SLC39A8: variants seen among roughly 807,000 people sequenced by gnomAD.
SLC39A8 encodes metal cation symporter ZIP8.
A neutral mutation model predicts 40.4 loss-of-function variants in SLC39A8; 15 were observed. The ratio of observed to expected loss-of-function variants is 0.37; its 90% CI spans 0.25 to 0.57. The LOEUF is 0.57. Ranked by LOEUF, SLC39A8 falls within the 20% of genes least tolerant of loss-of-function variation. SLC39A8 has a pLI of 0.75. For synonymous variants in SLC39A8, 223 were observed against 221.6 expected, an observed-to-expected ratio of 1.01 and a Z score of -0.06; for missense variants, 472 against 558.8, an observed-to-expected ratio of 0.84 and a Z score of 1.57.
chr4:102,272,403 C>A (rs554056251), intron 6 of SLC39A8, among the ~76,000 whole-genome samples: 1 of 150,562 alleles, frequency 6.6e-6, no homozygotes. Context: ...CGCAGTGAGC[C>A]GAGCCTGGGT....
intron 6 of SLC39A8, among the ~76,000 whole-genome samples, chr4:102,289,210 A>G (rs1420730171): frequency 6.6e-6 from 1 of 152,196 alleles, no homozygotes; most frequent in Non-Finnish European, 1.5e-5. Flanking sequence ...GAAATGAAAC[A>G]ACACAGCCTG....
Position 102,302,480 on chromosome 4 carries a change from G to A in SLC39A8, c.840+1837C>T, listed in dbSNP as rs574288258. On this transcript the variant is annotated intron_variant, in intron 6 of 8. Coordinates refer to ENST00000356736, the MANE Select transcript of SLC39A8 (RefSeq NM_001135146.2). The stretch of plus-strand genomic sequence containing the variant: ...CTTTAGGCTTTCTCTGCTGTGCCTC[G>A]CATTAAATAATATATCCTCAGAAAG... 1.1e-4 allele frequency among the ~76,000 whole-genome samples: 16 copies of A among 152,038 alleles called. 1 individual carries two copies. The highest frequency in any genetic ancestry group is 5.9e-4 in the Admixed American group (9 of 15,240).
chr4:102,272,109 G>A (rs568267838), intron 6 of SLC39A8, among the ~76,000 whole-genome samples: 2 of 152,142 alleles, frequency 1.3e-5, no homozygotes, highest in East Asian at 3.9e-4. Flanking sequence ...GATGCCAAGG[G>A]GGAGGACTGC....
chr4:102,341,499 T>G (rs1735939152), intron 2 of SLC39A8, among the ~76,000 whole-genome samples: 2 of 152,220 alleles, frequency 1.3e-5, no homozygotes, highest in Non-Finnish European at 2.9e-5. Context: ...GGGGCTTCCC[T>G]GTGTATTCTA....
chr4:102,308,556 C>G (rs1255470253), intron 3 of SLC39A8, among the ~76,000 whole-genome samples: 1 of 152,092 alleles, frequency 6.6e-6, no homozygotes, highest in East Asian at 1.9e-4. Context: ...ATACCCAGGA[C>G]AGTCACCTAT....
At chr4:102,320,199 ATATGTATATATATATG>A (rs1734859187) in intron 2 of SLC39A8, among the ~76,000 whole-genome samples, 1 of 136,700 alleles carries the variant, frequency 7.3e-6, no homozygotes, top group Non-Finnish European at 1.5e-5. Flanking sequence ...ATGTATATAT[ATATGTATATATATATG>A]TATATATGTA....
intron 2 of SLC39A8, among the ~76,000 whole-genome samples, chr4:102,342,504 A>C (rs1735988585): frequency 6.6e-6 from 1 of 152,232 alleles, no homozygotes; most frequent in African/African-American, 2.4e-5. Flanking sequence ...GTCTCAAAAA[A>C]AAAGCAAGAA....
chr4:102,253,304 A>C lies in SLC39A8; in HGVS notation c.*425T>G, dbSNP rs1731635191. The C allele has an allele frequency of 1.3e-5, 7 of 556,996 alleles. No individual in the cohort carries two copies. In the South Asian group the frequency reaches 2.0e-4, roughly 16 times the overall value. The allele number at this position is 556,996 out of a possible 1,614,324, so 34.5% of individuals were successfully genotyped here. A position where few individuals can be genotyped will look rare whatever the true frequency, so the allele number is the denominator to read the frequency against. ...CTCCTTTTGAGAAACTTCACAGCAC[A>C]CACAGCATCACGTCTCAATGGTCAT... is the stretch of plus-strand genomic sequence containing the variant. On this transcript the variant is annotated 3_prime_UTR_variant and NMD_transcript_variant, in exon 12 of 12. Transcript: ENST00000424970.
chr4:102,325,396 C>G (rs1735152258), intron 2 of SLC39A8, among the ~76,000 whole-genome samples: 1 of 150,930 alleles, frequency 6.6e-6, no homozygotes, highest in African/African-American at 2.5e-5. Context: ...CACATACATG[C>G]ACACTCACAC....
At chr4:102,345,220 C>G (rs572173439) in intron 1 of SLC39A8, 125 bp downstream of exon 1, 1 of 152,722 alleles carries the variant, frequency 6.5e-6, no homozygotes, top group East Asian at 1.9e-4. Flanking sequence ...CGTGCAGTCC[C>G]CAAGGAGCTG....
Position 102,261,825 on chromosome 4 carries a change from T to C in SLC39A8, c.*1219A>G, listed in dbSNP as rs1335504148. The C allele has an allele frequency of 1.0e-6, 1 of 986,012 alleles. No individual in the cohort carries two copies. Among genetic ancestry groups the C allele is most frequent in the Non-Finnish European group, 1.2e-6 (1 of 829,938 alleles). 61.1% of individuals were successfully genotyped at this position (986,012 alleles called of 1,614,324 possible). ...CTGTTGGAAAATGTAATTCCTGAGA[T>C]CATTGTTGGGCTTTGTCAATCATTT... On this transcript the variant is annotated 3_prime_UTR_variant, in exon 9 of 9. Coordinates refer to ENST00000356736, the MANE Select transcript of SLC39A8 (RefSeq NM_001135146.2).
intron 6 of SLC39A8, among the ~76,000 whole-genome samples, chr4:102,293,556 G>A (rs1484036664): frequency 6.6e-6 from 1 of 151,898 alleles, no homozygotes; most frequent in Admixed American, 6.6e-5. Flanking sequence ...TAAAATCAGT[G>A]TACTCTTACA....
At chr4:102,258,271 A>C (rs1202859508), downstream of SLC39A8, among the ~76,000 whole-genome samples, 1 of 151,908 alleles carries the variant, frequency 6.6e-6, no homozygotes, top group African/African-American at 2.4e-5. Context: ...CTAATTTTTA[A>C]AGGGCAGATA....
intron 4 of SLC39A8, among the ~76,000 whole-genome samples, chr4:102,307,188 T>C (rs1473974223): frequency 6.6e-6 from 1 of 152,084 alleles, no homozygotes; most frequent in Non-Finnish European, 1.5e-5. Context: ...CCTTCTGAGG[T>C]GTCCCAGAGC....
chr4:102,318,654 C>T (rs1456155034), intron 2 of SLC39A8, among the ~76,000 whole-genome samples: 3 of 152,094 alleles, frequency 2.0e-5, no homozygotes, highest in African/African-American at 7.2e-5. Context: ...ACCGGTTATA[C>T]CATGGACAAG....
At chr4:102,300,805 T>C (rs1733892905) in intron 6 of SLC39A8, among the ~76,000 whole-genome samples, 1 of 151,868 alleles carries the variant, frequency 6.6e-6, no homozygotes, top group South Asian at 2.1e-4. Context: ...TTAGAAAGTA[T>C]TTTAATTTTA....
intron 2 of SLC39A8, among the ~76,000 whole-genome samples, chr4:102,319,627 C>A (rs997838055): frequency 2.0e-5 from 3 of 152,084 alleles, no homozygotes; most frequent in Non-Finnish European, 4.4e-5. Context: ...GACCCCCTCC[C>A]CACTCCTACC....
chr4:102,258,706 A>C (rs1056514397), downstream of SLC39A8, among the ~76,000 whole-genome samples: 2 of 152,232 alleles, frequency 1.3e-5, no homozygotes, highest in Non-Finnish European at 2.9e-5. Context: ...AATGTTGCTT[A>C]ATGCTGTCTG....
rs1203341395 is a variant in SLC39A8, at chr4:102,267,376, C to A, written c.1233+114G>T. Reference sequence around the variant, plus strand: ...GAAATGGGATTGTTCTGAATTACAACAGAAAGGCCTTCCACACTGCGGAAA... The same window carrying A: ...GAAATGGGATTGTTCTGAATTACAAAAGAAAGGCCTTCCACACTGCGGAAA... On this transcript the variant is annotated intron_variant, in intron 8 of 8. Coordinates refer to ENST00000356736, the MANE Select transcript of SLC39A8 (RefSeq NM_001135146.2). The A allele has an allele frequency of 6.7e-6, 6 of 890,032 alleles. No homozygotes were observed. In the East Asian group the frequency reaches 1.1e-4, roughly 16 times the overall value. 55.1% of individuals were successfully genotyped at this position (890,032 alleles called of 1,614,324 possible).
Sources: allele counts gnomAD v4.1 joint callset (sites outside exome capture counted in the v4.1 genomes callset), GRCh38; gene constraint gnomAD v4.1.1; transcripts MANE v1.5; gene names NCBI Gene and HGNC (gene_info 2026-07-23, HGNC 2026-07-21).